The following GRIK2 variants were observed in gnomAD, a reference collection of about 807,000 sequenced individuals.
GRIK2 encodes the protein glutamate receptor ionotropic, kainate 2.
GRIK2 carries 32 observed loss-of-function variants against 100.3 expected under a neutral mutation model. That is an observed-to-expected ratio of 0.32 (90% confidence interval 0.24 to 0.43). The LOEUF is 0.43. Ranked by LOEUF, GRIK2 falls within the 20% of genes least tolerant of loss-of-function variation. The probability of loss-of-function intolerance (pLI) is 1.00; values close to 1 mark genes in which losing one functional copy is unlikely to be tolerated. For synonymous variants in GRIK2, 417 were observed against 389.4 expected (o/e 1.07, Z -0.83); for missense variants, 843 against 1,114.9 (o/e 0.76, Z 3.47).
At chr6:101,529,224 C>T (rs1356586872) in intron 2 of GRIK2, among the ~76,000 whole-genome samples, 1 of 152,020 alleles carries the variant, frequency 6.6e-6, no homozygotes, top group Non-Finnish European at 1.5e-5. Flanking sequence ...GTTTATGTGT[C>T]TCCAGTTTTT....
chr6:101,838,403 C>A (rs1329276193), intron 10 of GRIK2, among the ~76,000 whole-genome samples: 1 of 152,028 alleles, frequency 6.6e-6, no homozygotes, highest in African/African-American at 2.4e-5. Context: ...TAATCAATTG[C>A]CTGTAACTCT....
intron 2 of GRIK2, among the ~76,000 whole-genome samples, chr6:101,524,317 G>C (rs371163786): frequency 1.2e-3 from 182 of 151,976 alleles, no homozygotes; most frequent in African/African-American, 4.3e-3. Flanking sequence ...TGGTTTTTGG[G>C]TTTTATTGTT....
intron 10 of GRIK2, among the ~76,000 whole-genome samples, chr6:101,856,278 G>A (rs190236628): frequency 8.5e-5 from 13 of 152,294 alleles, no homozygotes; most frequent in East Asian, 1.9e-4. Flanking sequence ...CAGAGTAAAC[G>A]ATGGTGCCAT....
chr6:101,774,609 TTTAA>T (rs1491003934), intron 7 of GRIK2, among the ~76,000 whole-genome samples: 2 of 152,134 alleles, frequency 1.3e-5, no homozygotes, highest in African/African-American at 4.8e-5. Context: ...GTAAAAAAAA[TTTAA>T]TTAGGTAAGA....
At chr6:101,632,050 G>T (rs982233580) in intron 4 of GRIK2, among the ~76,000 whole-genome samples, 1 of 152,014 alleles carries the variant, frequency 6.6e-6, no homozygotes, top group Admixed American at 6.6e-5. Context: ...CTGTTTACCT[G>T]GGAAGCTCTC....
At chr6:101,858,842 T>A (rs888365056) in intron 10 of GRIK2, among the ~76,000 whole-genome samples, 1 of 151,820 alleles carries the variant, frequency 6.6e-6, no homozygotes, top group Non-Finnish European at 1.5e-5. Flanking sequence ...TAGTCAGCAA[T>A]TTTTTTCATT....
At chr6:101,565,848 A>G (rs1253181236) in intron 2 of GRIK2, among the ~76,000 whole-genome samples, 1 of 149,728 alleles carries the variant, frequency 6.7e-6, no homozygotes, top group Non-Finnish European at 1.5e-5. Context: ...ACAGTAGATT[A>G]ACACATATTT....
intron 12 of GRIK2, among the ~76,000 whole-genome samples, chr6:101,922,094 T>TCCTC (rs1473643352): frequency 0.02 from 491 of 24,476 alleles, 4 homozygotes; most frequent in African/African-American, 0.081. Flanking sequence ...CTTCCTTCCT[T>TCCTC]CCTTCCTTCC....
At chr6:101,632,361 C>G (rs1780791965) in intron 4 of GRIK2, among the ~76,000 whole-genome samples, 1 of 152,114 alleles carries the variant, frequency 6.6e-6, no homozygotes, top group Non-Finnish European at 1.5e-5. Flanking sequence ...TGTTTTATCA[C>G]CAGCATCTAG....
intron 4 of GRIK2, among the ~76,000 whole-genome samples, chr6:101,674,598 G>A (rs749208599): frequency 1.3e-4 from 20 of 152,156 alleles, no homozygotes; most frequent in Non-Finnish European, 2.6e-4. Context: ...ACAGCTCAAT[G>A]TTAACACCTG....
chr6:101,907,784 A>T (rs1226961509), intron 12 of GRIK2, among the ~76,000 whole-genome samples: 1 of 151,612 alleles, frequency 6.6e-6, no homozygotes, highest in East Asian at 1.9e-4. Flanking sequence ...ATAAAATATG[A>T]CTACGACATA....
intron 9 of GRIK2, among the ~76,000 whole-genome samples, chr6:101,814,869 G>A (rs1028647239): frequency 6.6e-6 from 1 of 152,068 alleles, no homozygotes; most frequent in Non-Finnish European, 1.5e-5. Context: ...TCACAATAGT[G>A]TATAAACAGA....
chr6:101,827,630 T>C (rs996023986), intron 10 of GRIK2, among the ~76,000 whole-genome samples: 45 of 151,878 alleles, frequency 3.0e-4, no homozygotes, highest in African/African-American at 1.1e-3. Flanking sequence ...TTGCTATTTT[T>C]GTATTAGATA....
chr6:101,510,241 A>G (rs1330633469), intron 2 of GRIK2, among the ~76,000 whole-genome samples: 1 of 152,160 alleles, frequency 6.6e-6, no homozygotes, highest in Non-Finnish European at 1.5e-5. Context: ...GGGCTTCCAC[A>G]GGTTTACAGA....
chr6:102,035,193 G>GTATATATATATA lies in GRIK2; in HGVS notation c.2086-138_2086-127dup, dbSNP rs139440547. On this transcript the variant is annotated intron_variant, in intron 14 of 16. Transcript: ENST00000369134. ...CATTATACAGATTCAGACTTTTTTG[G>GTATATATATATA]TATATATATATATATATATATTCCT... 288 of 217,102 alleles carry GTATATATATATA rather than the reference G, an allele frequency of 1.3e-3. 2 individuals carry two copies. The highest frequency in any genetic ancestry group is 6.7e-3 in the African/African-American group (273 of 40,698). The allele number at this position is 217,102 out of a possible 1,614,324, so 13.4% of individuals were successfully genotyped here. A position where few individuals can be genotyped will look rare whatever the true frequency, so the allele number is the denominator to read the frequency against.
chr6:101,880,553 C>A (rs1004927163), intron 11 of GRIK2, among the ~76,000 whole-genome samples: 1 of 151,964 alleles, frequency 6.6e-6, no homozygotes, highest in Non-Finnish European at 1.5e-5. Context: ...TATTATTTCA[C>A]AGTCGAGAAA....
intron 6 of GRIK2, among the ~76,000 whole-genome samples, chr6:101,683,025 GAA>G (rs1427850534): frequency 1.3e-5 from 2 of 151,922 alleles, no homozygotes; most frequent in Non-Finnish European, 2.9e-5. Flanking sequence ...CCAATATGGT[GAA>G]ACCCATCTCT....
intron 2 of GRIK2, among the ~76,000 whole-genome samples, chr6:101,412,067 G>A (rs1775909364): frequency 1.3e-5 from 2 of 151,922 alleles, no homozygotes; most frequent in South Asian, 4.1e-4. Flanking sequence ...CAGCCTAGAT[G>A]GTATTTATTA....
intron 14 of GRIK2, among the ~76,000 whole-genome samples, chr6:102,032,673 A>G (rs1300877345): frequency 6.6e-6 from 1 of 151,320 alleles, no homozygotes; most frequent in African/African-American, 2.4e-5. Context: ...TTGATGTTGT[A>G]AATGCAAGAG....
Sources: gnomAD v4.1 joint callset for allele counts (sites outside exome capture counted in the v4.1 genomes callset) on GRCh38, gnomAD v4.1.1 for gene constraint, MANE v1.5 for transcripts, NCBI Gene and HGNC (gene_info 2026-07-23, HGNC 2026-07-21) for gene names.